Variants in PIP5K1B observed in about 807,000 individuals in gnomAD.
PIP5K1B encodes the protein phosphatidylinositol 4-phosphate 5-kinase type-1 beta.
In PIP5K1B, 42 loss-of-function variants were observed where a neutral mutation model predicts 67.0. The observed-to-expected ratio is 0.63, with a 90% CI of 0.49 to 0.81. The LOEUF (loss-of-function observed/expected upper bound fraction) is 0.81. Among genes scored for constraint, PIP5K1B ranks in the 30% least tolerant of loss-of-function variants. PIP5K1B has a pLI of 0.00. For missense variants in PIP5K1B, 459 were observed against 646.3 expected, an observed-to-expected ratio of 0.71 and a Z score of 3.14; for synonymous variants, 214 against 231.4, an observed-to-expected ratio of 0.92 and a Z score of 0.68.
intron 8 of PIP5K1B, among the ~76,000 whole-genome samples, chr9:68,912,005 G>A (rs1198968694): frequency 2.0e-5 from 3 of 152,140 alleles, no homozygotes; most frequent in African/African-American, 7.2e-5. Flanking sequence ...GTAGAAAGAT[G>A]GTAATTGGAA....
intron 13 of PIP5K1B, 147 bp downstream of exon 13, chr9:68,935,192 C>A: frequency 1.5e-6 from 1 of 663,708 alleles, no homozygotes; most frequent in Non-Finnish European, 2.5e-6. Context: ...AGTGGCCGGG[C>A]GCAGTGGCTC....
intron 4 of PIP5K1B, chr9:68,824,346 C>A (rs1833878999): frequency 2.1e-6 from 1 of 478,934 alleles, no homozygotes; most frequent in Non-Finnish European, 4.1e-6. Context: ...GCTAAGTGTA[C>A]CCTGCCCAAG....
chr9:68,978,327 G>T (rs1164069786), intron 14 of PIP5K1B, among the ~76,000 whole-genome samples: 1 of 152,152 alleles, frequency 6.6e-6, no homozygotes, highest in African/African-American at 2.4e-5. Flanking sequence ...CTGCTTTTAT[G>T]AGTTCAGCTT....
chr9:68,872,288 G>A (rs974571941), intron 5 of PIP5K1B, among the ~76,000 whole-genome samples: 48 of 152,212 alleles, frequency 3.2e-4, no homozygotes. Context: ...TGGACTTGCT[G>A]TTTTGTTCTC....
chr9:68,879,140 A>G (rs978650413), intron 6 of PIP5K1B, among the ~76,000 whole-genome samples: 1 of 152,230 alleles, frequency 6.6e-6, no homozygotes, highest in Admixed American at 6.5e-5. Context: ...TTGTGGGATA[A>G]TAATATCATG....
intron 1 of PIP5K1B, among the ~76,000 whole-genome samples, chr9:68,736,213 T>G (rs1391949062): frequency 6.6e-6 from 1 of 152,208 alleles, no homozygotes; most frequent in Non-Finnish European, 1.5e-5. Context: ...TGATTTCATA[T>G]TTGAAAAGGA....
At chr9:68,906,121 C>T (rs553293413) in intron 8 of PIP5K1B, among the ~76,000 whole-genome samples, 111 of 152,260 alleles carry the variant, frequency 7.3e-4, no homozygotes, top group African/African-American at 1.6e-3. Flanking sequence ...TGGGCTCAAG[C>T]GATCCTCCCA....
intron 4 of PIP5K1B, among the ~76,000 whole-genome samples, chr9:68,847,109 G>C (rs1164612822): frequency 6.6e-6 from 1 of 152,102 alleles, no homozygotes; most frequent in Non-Finnish European, 1.5e-5. Flanking sequence ...TTTATCTCTT[G>C]AATTAATTAA....
intron 14 of PIP5K1B, among the ~76,000 whole-genome samples, chr9:68,972,295 G>T (rs915400515): frequency 5.3e-5 from 8 of 152,172 alleles, no homozygotes; most frequent in African/African-American, 1.4e-4. Flanking sequence ...TCAGATGGTT[G>T]TAGATGTGTG....
chr9:68,793,798 A>G (rs1832135431), intron 2 of PIP5K1B, among the ~76,000 whole-genome samples: 1 of 152,188 alleles, frequency 6.6e-6, no homozygotes, highest in South Asian at 2.1e-4. Context: ...GGCTGGACTG[A>G]AATACACAAT....
intron 8 of PIP5K1B, among the ~76,000 whole-genome samples, chr9:68,912,711 A>G (rs1825912031): frequency 6.6e-6 from 1 of 152,192 alleles, no homozygotes; most frequent in Non-Finnish European, 1.5e-5. Flanking sequence ...AAACCAGGCC[A>G]TCTGGTTCCA....
chr9:68,781,141 T>C (rs909706332), intron 2 of PIP5K1B: 8 of 1,365,248 alleles, frequency 5.9e-6, no homozygotes, highest in Non-Finnish European at 8.0e-6. Context: ...ACCCCTTTTC[T>C]TTTTTGAAAT....
At chr9:68,888,917 T>C in intron 6 of PIP5K1B, 64 bp from the exon 7 acceptor site, 1 of 1,130,124 alleles carries the variant, frequency 8.8e-7, no homozygotes, top group South Asian at 1.4e-5. Flanking sequence ...GCTATGATTG[T>C]CCTCCTTGGA....
At chr9:68,842,777 AGTCTCGAATCCAAAAT>A (rs1821982898) in intron 4 of PIP5K1B, among the ~76,000 whole-genome samples, 1 of 152,238 alleles carries the variant, frequency 6.6e-6, no homozygotes, top group African/African-American at 2.4e-5. Context: ...ACATCAAAGA[AGTCTCGAATCCAAAAT>A]GTCAATAGTG....
intron 4 of PIP5K1B, among the ~76,000 whole-genome samples, chr9:68,858,692 T>C (rs1822907560): frequency 6.6e-6 from 1 of 152,226 alleles, no homozygotes; most frequent in African/African-American, 2.4e-5. Flanking sequence ...TTTGTGCTTT[T>C]GAAAACAATC....
chr9:68,936,208 C>T (rs1370864113), intron 13 of PIP5K1B, among the ~76,000 whole-genome samples: 1 of 152,050 alleles, frequency 6.6e-6, no homozygotes, highest in African/African-American at 2.4e-5. Context: ...CTGGTTAGGA[C>T]TTCTTGTACA....
At chr9:68,986,932 T>A (rs1444480768) in intron 14 of PIP5K1B, among the ~76,000 whole-genome samples, 1 of 152,184 alleles carries the variant, frequency 6.6e-6, no homozygotes, top group Non-Finnish European at 1.5e-5. Context: ...TTTACACTTA[T>A]ATGCATGTAG....
intron 14 of PIP5K1B, among the ~76,000 whole-genome samples, chr9:68,947,900 A>G (rs1319811910): frequency 1.3e-5 from 2 of 152,240 alleles, no homozygotes. Flanking sequence ...TTCCTCAAAG[A>G]GGCTTGTAAG....
At position 68,920,359 on chromosome 9, in the gene PIP5K1B, C is replaced by CTTTTTTT. The variant is rs5898051; in HGVS notation, c.1116+650_1116+656dup. ...ATACATGCTGGCTGCCTGAGGTTGT[C>CTTTTTTT]TTTTTTTTTTTTTTTTTTTTTTTTT... On this transcript the variant is annotated intron_variant, in intron 11 of 15. Coordinates refer to ENST00000265382, the MANE Select transcript of PIP5K1B (RefSeq NM_003558.4). 1.4e-3 allele frequency among the ~76,000 whole-genome samples: 136 copies of CTTTTTTT among 98,368 alleles called. 58 individuals are homozygous for CTTTTTTT. Among genetic ancestry groups the CTTTTTTT allele is most frequent in the Middle Eastern group, 6.7e-3 (1 of 150 alleles). 64.5% of individuals were successfully genotyped at this position (98,368 alleles called of 152,430 possible). A position where few individuals can be genotyped will look rare whatever the true frequency, so the allele number is the denominator to read the frequency against.
Sources: gnomAD v4.1 joint callset for allele counts (sites outside exome capture counted in the v4.1 genomes callset) on GRCh38, gnomAD v4.1.1 for gene constraint, MANE v1.5 for transcripts, NCBI Gene and HGNC (gene_info 2026-07-23, HGNC 2026-07-21) for gene names.